The following TBL1XR1 variants were observed in gnomAD, a reference collection of about 807,000 sequenced individuals.
The protein encoded by TBL1XR1 is F-box-like/WD repeat-containing protein TBL1XR1.
A neutral mutation model predicts 66.9 loss-of-function variants in TBL1XR1; 5 were observed. The observed-to-expected ratio is 0.07, with a 90% CI of 0.04 to 0.16. The LOEUF (loss-of-function observed/expected upper bound fraction) is 0.16, where lower values mean the gene tolerates loss of function less well. Among genes scored for constraint, TBL1XR1 ranks in the 10% least tolerant of loss-of-function variants. The probability of loss-of-function intolerance (pLI) is 1.00; values close to 1 mark genes in which losing one functional copy is unlikely to be tolerated. For synonymous variants in TBL1XR1, 210 were observed against 206.0 expected, an observed-to-expected ratio of 1.02 and a Z score of -0.17; for missense variants, 238 against 623.2, an observed-to-expected ratio of 0.38 and a Z score of 6.58.
chr3:177,082,767 T>TATATATGA (rs376700133), intron 2 of TBL1XR1, among the ~76,000 whole-genome samples: 2 of 131,306 alleles, frequency 1.5e-5, no homozygotes, highest in Non-Finnish European at 3.2e-5. Context: ...TATATATATA[T>TATATATGA]GAATATGAGA....
At chr3:177,072,254 C>T (rs1033634727) in intron 2 of TBL1XR1, among the ~76,000 whole-genome samples, 6 of 152,036 alleles carry the variant, frequency 3.9e-5, no homozygotes, top group East Asian at 3.9e-4. Context: ...AATTGGGATC[C>T]GTAGACCCCT....
At chr3:177,064,027 A>C (rs1718844439) in intron 3 of TBL1XR1, among the ~76,000 whole-genome samples, 1 of 152,176 alleles carries the variant, frequency 6.6e-6, no homozygotes, top group African/African-American at 2.4e-5. Flanking sequence ...CAAGTCTCAA[A>C]ACCATAAACT....
intron 10 of TBL1XR1, among the ~76,000 whole-genome samples, chr3:177,045,775 G>C (rs990706930): frequency 6.6e-6 from 1 of 152,090 alleles, no homozygotes; most frequent in African/African-American, 2.4e-5. Flanking sequence ...ACAGTGAAAA[G>C]GAGGCTCAGA....
At chr3:177,093,271 G>A (rs1723055249) in intron 2 of TBL1XR1, among the ~76,000 whole-genome samples, 1 of 152,080 alleles carries the variant, frequency 6.6e-6, no homozygotes. Context: ...TAACCAAGGA[G>A]ATGAAAGACC....
chr3:177,046,510 G>A (rs1422316478), intron 9 of TBL1XR1, among the ~76,000 whole-genome samples: 2 of 152,094 alleles, frequency 1.3e-5, no homozygotes, highest in African/African-American at 4.8e-5. Context: ...GACTCGTATA[G>A]ATGTTTAGTA....
intron 1 of TBL1XR1, among the ~76,000 whole-genome samples, chr3:177,177,962 G>A (rs912589290): frequency 4.6e-5 from 7 of 152,196 alleles, no homozygotes; most frequent in African/African-American, 1.4e-4. Flanking sequence ...AACTGCCGCG[G>A]GTGGGCAGTA....
intron 2 of TBL1XR1, among the ~76,000 whole-genome samples, chr3:177,085,105 A>G (rs1394996743): frequency 6.6e-6 from 1 of 152,216 alleles, no homozygotes; most frequent in Non-Finnish European, 1.5e-5. Flanking sequence ...CAGGAACTGA[A>G]AAGCATAAGA....
At chr3:177,152,591 G>A (rs188453382) in intron 1 of TBL1XR1, among the ~76,000 whole-genome samples, 91 of 152,142 alleles carry the variant, frequency 6.0e-4, no homozygotes, top group African/African-American at 2.0e-3. Flanking sequence ...GTGCCCGGCC[G>A]CCCTACCCTT....
intron 1 of TBL1XR1, 139 bp from the exon 2 acceptor site, chr3:177,098,680 T>C (rs1004327817): frequency 1.0e-5 from 3 of 300,254 alleles, no homozygotes; most frequent in Non-Finnish European, 1.5e-5. Flanking sequence ...AAGTAATTGT[T>C]ATCATAAACA....
intron 1 of TBL1XR1, among the ~76,000 whole-genome samples, chr3:177,126,815 C>A (rs1163034746): frequency 1.3e-5 from 2 of 148,218 alleles, no homozygotes; most frequent in Non-Finnish European, 1.5e-5. Flanking sequence ...CATTTTCAGC[C>A]AAAAAAAAAA....
At chr3:177,150,182 CTTAA>C (rs374215845) in intron 1 of TBL1XR1, among the ~76,000 whole-genome samples, 2 of 152,140 alleles carry the variant, frequency 1.3e-5, no homozygotes, top group African/African-American at 4.8e-5. Context: ...AATGCACCTT[CTTAA>C]TTGTCTTCCC....
chr3:177,195,995 C>G (rs540743435), intron 1 of TBL1XR1, among the ~76,000 whole-genome samples: 2 of 152,278 alleles, frequency 1.3e-5, no homozygotes, highest in East Asian at 3.9e-4. Context: ...ACCAAATTAT[C>G]TTAGAGACAC....
chr3:177,062,690 G>A (rs1718668178), intron 3 of TBL1XR1, among the ~76,000 whole-genome samples: 1 of 151,890 alleles, frequency 6.6e-6, no homozygotes, highest in Non-Finnish European at 1.5e-5. Context: ...AATACACAAA[G>A]GACACCTAAG....
chr3:177,178,614 A>C (rs1245000067), intron 1 of TBL1XR1, among the ~76,000 whole-genome samples: 1 of 152,220 alleles, frequency 6.6e-6, no homozygotes, highest in Non-Finnish European at 1.5e-5. Flanking sequence ...TGGGATGCCC[A>C]GGCAGGCGGA....
rs2108425034 is a variant in TBL1XR1 at position 177,036,105 on chromosome 3, C to A, written c.1123-1780G>T. ...TTTAACTAAAGGTAAAGGAACCAGG[C>A]CGCGTTCAGCCAGATCTATTACTGA... On this transcript the variant is annotated intron_variant, in intron 12 of 15. Transcript: ENST00000457928. Among the ~76,000 whole-genome samples the A allele has an allele frequency of 2.0e-5, 3 of 152,324 alleles. No individual in the cohort carries two copies. In the South Asian group the frequency reaches 6.2e-4, roughly 32 times the overall value.
At chr3:177,119,133 G>A (rs1033701885) in intron 1 of TBL1XR1, among the ~76,000 whole-genome samples, 14 of 151,960 alleles carry the variant, frequency 9.2e-5, no homozygotes, top group African/African-American at 2.2e-4. Flanking sequence ...CACCACACCC[G>A]GCTACTATTT....
At position 177,164,628 on chromosome 3, in the gene TBL1XR1, G is replaced by C. The variant is rs370829207; in HGVS notation, c.-122+32493C>G. Among the ~76,000 whole-genome samples the C allele has an allele frequency of 2.1e-3, 327 of 152,272 alleles. 2 individuals are homozygous for C. Among genetic ancestry groups the C allele is most frequent in the East Asian group, 0.014 (71 of 5,188 alleles). On this transcript the variant is annotated intron_variant, in intron 1 of 15. Coordinates refer to ENST00000457928, the MANE Select transcript of TBL1XR1 (RefSeq NM_024665.7). The stretch of plus-strand genomic sequence containing the variant: ...CTTCCAAAGTGCTGGGATTACAGGC[G>C]TGAGCCACTGCGCCCAGCCTACTTC...
chr3:177,038,596 C>A (rs965487423), intron 10 of TBL1XR1, 162 bp from the exon 11 acceptor site: 1 of 635,774 alleles, frequency 1.6e-6, no homozygotes, highest in Non-Finnish European at 2.3e-6. Flanking sequence ...ATAAAAGTAT[C>A]TATATACAAC....
intron 13 of TBL1XR1, 133 bp downstream of exon 13, chr3:177,034,064 CA>C: frequency 2.0e-6 from 2 of 1,012,578 alleles, no homozygotes; most frequent in African/African-American, 1.7e-5. Context: ...ACCTATACAC[CA>C]AAAACTACTG....
Sources: allele counts gnomAD v4.1 joint callset (sites outside exome capture counted in the v4.1 genomes callset), GRCh38; gene constraint gnomAD v4.1.1; transcripts MANE v1.5; gene names NCBI Gene and HGNC (gene_info 2026-07-23, HGNC 2026-07-21).